Variants in ST6GALNAC3 observed in about 807,000 individuals in gnomAD.
ST6GALNAC3 encodes ST6 N-acetylgalactosaminide alpha-2,6-sialyltransferase 3, also known as alpha-N-acetylgalactosaminide alpha-2,6-sialyltransferase 3.
ST6GALNAC3 carries 25 observed loss-of-function variants against 32.7 expected under a neutral mutation model. The observed-to-expected ratio is 0.76, with a 90% CI of 0.56 to 1.07. The LOEUF is 1.07. ST6GALNAC3 is among the 50% of genes least tolerant of loss of function. ST6GALNAC3 has a pLI of 0.00. For synonymous variants in ST6GALNAC3, 129 were observed against 133.1 expected, an observed-to-expected ratio of 0.97 and a Z score of 0.21; for missense variants, 355 against 382.4, an observed-to-expected ratio of 0.93 and a Z score of 0.60.
At chr1:76,585,729 C>T (rs1206320924) in intron 3 of ST6GALNAC3, among the ~76,000 whole-genome samples, 2 of 152,212 alleles carry the variant, frequency 1.3e-5, no homozygotes, top group Non-Finnish European at 2.9e-5. Flanking sequence ...ATAACCAACC[C>T]ATTCCATAAG....
At chr1:76,415,145 G>A (rs1292978981) in intron 3 of ST6GALNAC3, among the ~76,000 whole-genome samples, 5 of 109,560 alleles carry the variant, frequency 4.6e-5, no homozygotes, top group East Asian at 5.0e-4. Context: ...TGGTATTTAT[G>A]TATTGAGGCT....
At chr1:76,519,027 C>T (rs547017745) in intron 3 of ST6GALNAC3, among the ~76,000 whole-genome samples, 37 of 151,966 alleles carry the variant, frequency 2.4e-4, no homozygotes, top group Non-Finnish European at 4.1e-4. Flanking sequence ...GATCGTGCCA[C>T]GAAACTCTGT....
At chr1:76,275,879 A>C (rs1359252461) in intron 1 of ST6GALNAC3, among the ~76,000 whole-genome samples, 2 of 152,298 alleles carry the variant, frequency 1.3e-5, no homozygotes, top group East Asian at 3.9e-4. Flanking sequence ...TGCAAGCTTC[A>C]AGACTGGTTT....
intron 3 of ST6GALNAC3, among the ~76,000 whole-genome samples, chr1:76,423,097 G>T (rs774584539): frequency 1.3e-5 from 2 of 151,888 alleles, no homozygotes; most frequent in Non-Finnish European, 1.5e-5. Context: ...TTGCTCATTA[G>T]GTATTTATTA....
intron 3 of ST6GALNAC3, among the ~76,000 whole-genome samples, chr1:76,496,165 A>G (rs1660834962): frequency 6.6e-6 from 1 of 152,140 alleles, no homozygotes; most frequent in Admixed American, 6.5e-5. Flanking sequence ...ATATGGAAAA[A>G]TCTGCCTGAG....
chr1:76,253,107 A>G (rs1042975662), intron 1 of ST6GALNAC3, among the ~76,000 whole-genome samples: 20 of 152,158 alleles, frequency 1.3e-4, no homozygotes, highest in Non-Finnish European at 4.4e-5. Flanking sequence ...TAGGAAACAA[A>G]AATATAGACA....
chr1:76,317,419 T>A (rs116741464), intron 2 of ST6GALNAC3, among the ~76,000 whole-genome samples: 426 of 152,258 alleles, frequency 2.8e-3, no homozygotes, highest in African/African-American at 9.7e-3. Context: ...GACAAATAGC[T>A]TAAATAGTGA....
chr1:76,384,591 T>C (rs2101126489), intron 2 of ST6GALNAC3, among the ~76,000 whole-genome samples: 1 of 152,276 alleles, frequency 6.6e-6, no homozygotes, highest in East Asian at 1.9e-4. Flanking sequence ...TGCATTTTTT[T>C]CAAGTAAACA....
intron 1 of ST6GALNAC3, among the ~76,000 whole-genome samples, chr1:76,112,930 C>T (rs1338328008): frequency 6.6e-6 from 1 of 151,878 alleles, no homozygotes; most frequent in African/African-American, 2.4e-5. Context: ...ACTTCCCAGA[C>T]GGGGTGGCGG....
chr1:76,270,803 T>A (rs1009149614), intron 1 of ST6GALNAC3, among the ~76,000 whole-genome samples: 1 of 152,164 alleles, frequency 6.6e-6, no homozygotes, highest in Non-Finnish European at 1.5e-5. Flanking sequence ...CGTGTCCTCA[T>A]TCAGTCCATA....
At chr1:76,576,795 T>C in intron 3 of ST6GALNAC3, 1 of 1,269,094 alleles carries the variant, frequency 7.9e-7, no homozygotes, top group Non-Finnish European at 1.0e-6. Context: ...GTGATTTGCA[T>C]GTCTAACTAA....
intron 1 of ST6GALNAC3, among the ~76,000 whole-genome samples, chr1:76,241,477 C>T (rs1656964323): frequency 1.3e-5 from 2 of 152,138 alleles, no homozygotes; most frequent in South Asian, 4.1e-4. Flanking sequence ...ACAGTGAGAA[C>T]TCACTCACCC....
At chr1:76,168,325 TTTGA>T (rs939966822) in intron 1 of ST6GALNAC3, among the ~76,000 whole-genome samples, 27 of 152,226 alleles carry the variant, frequency 1.8e-4, no homozygotes, top group African/African-American at 6.0e-4. Flanking sequence ...TGATTTCTAA[TTTGA>T]TTGTGCTGTG....
chr1:76,131,621 C>T (rs559568360), intron 1 of ST6GALNAC3, among the ~76,000 whole-genome samples: 5 of 152,282 alleles, frequency 3.3e-5, no homozygotes, highest in East Asian at 3.9e-4. Context: ...CTCTGGGGCA[C>T]GGAGGCTGAT....
chr1:76,154,983 T>G lies in ST6GALNAC3; in HGVS notation c.18+80099T>G, dbSNP rs74643559. On this transcript the variant is annotated intron_variant, in intron 1 of 4. Coordinates refer to ENST00000328299, the MANE Select transcript of ST6GALNAC3 (RefSeq NM_152996.4). ...TACAAAACACCTCTTGATTGAAATC[T>G]TTGCATTTTCTTTGCATTTGCATTT... Among the ~76,000 whole-genome samples the G allele has an allele frequency of 7.5e-3, 1,143 of 152,328 alleles. 14 individuals carry two copies. Among genetic ancestry groups the G allele is most frequent in the East Asian group, 0.046 (240 of 5,186 alleles).
At chr1:76,410,861 T>C (rs1654185575) in intron 2 of ST6GALNAC3, among the ~76,000 whole-genome samples, 1 of 152,108 alleles carries the variant, frequency 6.6e-6, no homozygotes, top group Non-Finnish European at 1.5e-5. Context: ...GGAGTTAAAA[T>C]GAAAAAGATA....
intron 3 of ST6GALNAC3, among the ~76,000 whole-genome samples, chr1:76,521,117 C>T (rs551910756): frequency 1.3e-5 from 2 of 151,874 alleles, no homozygotes; most frequent in Admixed American, 1.3e-4. Context: ...TGTCTTATTA[C>T]AGCTTAATTC....
chr1:76,134,546 A>G (rs1215363540), intron 1 of ST6GALNAC3, among the ~76,000 whole-genome samples: 1 of 152,118 alleles, frequency 6.6e-6, no homozygotes, highest in African/African-American at 2.4e-5. Context: ...CAGAGACAGG[A>G]TTGGGCTTTT....
chr1:76,203,481 C>G (rs1046558435), intron 1 of ST6GALNAC3, among the ~76,000 whole-genome samples: 7 of 152,036 alleles, frequency 4.6e-5, no homozygotes, highest in African/African-American at 1.7e-4. Context: ...AGACCCTGCT[C>G]TACAGATGAT....
Sources: allele counts gnomAD v4.1 joint callset (sites outside exome capture counted in the v4.1 genomes callset), GRCh38; gene constraint gnomAD v4.1.1; transcripts MANE v1.5; gene names NCBI Gene and HGNC (gene_info 2026-07-23, HGNC 2026-07-21).